The following AUH variants were observed in gnomAD, a reference collection of about 807,000 sequenced individuals.
AUH encodes AU RNA binding methylglutaconyl-CoA hydratase.
AUH carries 29 observed loss-of-function variants against 42.3 expected under a neutral mutation model. The observed-to-expected ratio is 0.69, with a 90% CI of 0.51 to 0.93. The LOEUF is 0.93. AUH is among the 40% of genes least tolerant of loss of function. The pLI is 0.00. For missense variants in AUH, 452 were observed against 438.1 expected (o/e 1.03, Z -0.28); for synonymous variants, 174 against 166.4 (o/e 1.05, Z -0.35).
chr9:91,325,064 T>C (rs555968232), intron 4 of AUH, among the ~76,000 whole-genome samples: 10 of 152,238 alleles, frequency 6.6e-5, no homozygotes, highest in Non-Finnish European at 1.3e-4. Flanking sequence ...AGTCAAAGGC[T>C]TATGGCAAAT....
At position 91,256,895 on chromosome 9, in the gene AUH, G is replaced by A. The variant is rs115565460; in HGVS notation, c.656-35903C>T. 3.0e-3 allele frequency among the ~76,000 whole-genome samples: 458 copies of A among 152,200 alleles called. 10 individuals carry two copies. Among genetic ancestry groups the A allele is most frequent in the African/African-American group, 0.011 (439 of 41,488 alleles). ...GAGACAGCCTATGAGGCAAAGACAT[G>A]AGTTACGATTATTCAGCGGACAAAA... On this transcript the variant is annotated intron_variant, in intron 6 of 9. Coordinates refer to ENST00000375731, the MANE Select transcript of AUH (RefSeq NM_001698.3).
intron 6 of AUH, among the ~76,000 whole-genome samples, chr9:91,255,049 T>G (rs1303990770): frequency 6.6e-6 from 1 of 152,140 alleles, no homozygotes; most frequent in Non-Finnish European, 1.5e-5. Flanking sequence ...TGGAATAAAG[T>G]GTAAGGTTAG....
At chr9:91,277,345 A>C (rs1825626249) in intron 6 of AUH, among the ~76,000 whole-genome samples, 2 of 152,186 alleles carry the variant, frequency 1.3e-5, no homozygotes, top group African/African-American at 4.8e-5. Context: ...TCAACAATGG[A>C]AAATCTATCT....
chr9:91,214,359 T>C lies in AUH; in HGVS notation c.1009A>G (p.Lys337Glu), dbSNP rs774644954. The C allele has an allele frequency of 1.2e-6, 2 of 1,609,044 alleles. No homozygotes were observed. Among genetic ancestry groups the C allele is most frequent in the Non-Finnish European group, 1.7e-6 (2 of 1,177,224 alleles). The change falls in exon 10 of 10, where the codon AAA (lysine) becomes GAA (glutamate). Residue 337 changes from lysine to glutamate, a missense_variant. By Grantham distance (56) the Lys-to-Glu change is moderately conservative. Coordinates refer to ENST00000375731, the MANE Select transcript of AUH (RefSeq NM_001698.3). ...AATTTCTGTTCCTTTTATTCTCCTT[T>C]ATAGCGAGGGGGCCTTTTCTCTTTA... ...AFKEKRPPRY[K>E]GE
Position 91,237,378 on chromosome 9 carries a change from T to C in AUH, c.656-16386A>G, listed in dbSNP as rs1828248257. Among the ~76,000 whole-genome samples the C allele has an allele frequency of 2.0e-5, 3 of 152,204 alleles. No individual in the cohort carries two copies. In the South Asian group the frequency reaches 6.2e-4, roughly 31 times the overall value. On this transcript the variant is annotated intron_variant, in intron 6 of 9. Coordinates refer to ENST00000375731, the MANE Select transcript of AUH (RefSeq NM_001698.3). ...TCAAGATCCTGGGAGTGAATGGCTT[T>C]GACTCACTGTCTGAAGCCACAGACA...
chr9:91,308,821 G>A (rs892903627), intron 4 of AUH, among the ~76,000 whole-genome samples: 5 of 144,316 alleles, frequency 3.5e-5, no homozygotes, highest in Non-Finnish European at 7.5e-5. Flanking sequence ...ACGCAGTTTC[G>A]CTATTGTTAC....
In AUH at chr9:91,325,365, T is replaced by C; in HGVS notation, c.458A>G (p.Glu153Gly). The C allele has an allele frequency of 6.2e-7, 1 of 1,613,898 alleles. No individual in the cohort carries two copies. The highest frequency in any genetic ancestry group is 8.5e-7 in the Non-Finnish European group (1 of 1,179,878). The stretch of plus-strand genomic sequence containing the variant: ...TATTTTGGAGACAAAAGGACCAACT[T>C]CACTGGAACTCATTTTGGCTCTTTC... ...LKERAKMSSS[E>G]VGPFVSKIRA... Residue 153 changes from glutamate (E) to glycine (G), a missense_variant, in exon 4 of 10, where the codon GAA becomes GGA. By Grantham distance (98) the Glu-to-Gly change is moderately conservative. Transcript: ENST00000375731.
chr9:91,217,679 C>G (rs1294350183), intron 7 of AUH, among the ~76,000 whole-genome samples: 1 of 152,126 alleles, frequency 6.6e-6, no homozygotes. Context: ...CAGTACCACA[C>G]CAATTAGGGG....
chr9:91,357,351 G>T, intron 1 of AUH: 1 of 289,812 alleles, frequency 3.5e-6, no homozygotes, highest in Non-Finnish European at 5.1e-6. Flanking sequence ...ACTTCCTTCA[G>T]CTATTAAGTG....
intron 3 of AUH, among the ~76,000 whole-genome samples, chr9:91,334,217 T>C (rs1323794949): frequency 1.3e-5 from 2 of 152,222 alleles, no homozygotes; most frequent in Admixed American, 1.3e-4. Flanking sequence ...CTTGCTGTGA[T>C]GACTCACTTT....
At chr9:91,229,954 G>T (rs866231799) in intron 6 of AUH, among the ~76,000 whole-genome samples, 1 of 152,044 alleles carries the variant, frequency 6.6e-6, no homozygotes, top group Non-Finnish European at 1.5e-5. Flanking sequence ...TTCCCTTTGA[G>T]GGTAACCCGA....
chr9:91,315,393 C>A (rs1050266520), intron 4 of AUH, among the ~76,000 whole-genome samples: 1 of 152,166 alleles, frequency 6.6e-6, no homozygotes, highest in Non-Finnish European at 1.5e-5. Context: ...ACTCCTCCTG[C>A]AGCTTATTGA....
intron 9 of AUH, 139 bp downstream of exon 9, chr9:91,215,920 C>A (rs1340764972): frequency 1.2e-6 from 1 of 852,878 alleles, no homozygotes; most frequent in Non-Finnish European, 1.9e-6. Context: ...ATAGCAGAAA[C>A]AACTAATTTC....
intron 6 of AUH, among the ~76,000 whole-genome samples, chr9:91,234,093 T>C (rs944271232): frequency 6.6e-6 from 1 of 152,226 alleles, no homozygotes; most frequent in Non-Finnish European, 1.5e-5. Flanking sequence ...ATGTTTTGGC[T>C]GCTCAACATC....
chr9:91,313,235 A>G (rs186878658), intron 4 of AUH, among the ~76,000 whole-genome samples: 68 of 152,242 alleles, frequency 4.5e-4, no homozygotes, highest in Non-Finnish European at 7.6e-4. Context: ...AGGAGTGACT[A>G]TATCAATTTA....
chr9:91,349,713 AGAGAGG>A lies in AUH; in HGVS notation c.418+6164_418+6169del, dbSNP rs1157375428. Among the ~76,000 whole-genome samples, 13 of 152,224 alleles carry A rather than the reference AGAGAGG, an allele frequency of 8.5e-5. No homozygotes were observed. In the East Asian group the frequency reaches 1.5e-3, roughly 18 times the overall value. On this transcript the variant is annotated intron_variant, in intron 3 of 9. Transcript: ENST00000375731. ...ACACACACACACACACAGAGAGAAGAGAGAGGGAGAGGGAGAGAGAGAGAAGGTAAA... is the reference window on the plus strand; with the variant it reads ...ACACACACACACACACAGAGAGAAGAGAGAGGGAGAGAGAGAGAAGGTAAA...
At chr9:91,249,307 A>AG (rs1564029037) in intron 6 of AUH, among the ~76,000 whole-genome samples, 1 of 149,670 alleles carries the variant, frequency 6.7e-6, no homozygotes, top group Non-Finnish European at 1.5e-5. Flanking sequence ...AAAAAAAAAA[A>AG]AAAAAAAAAA....
chr9:91,333,615 A>G (rs1830491645), intron 3 of AUH, among the ~76,000 whole-genome samples: 1 of 152,234 alleles, frequency 6.6e-6, no homozygotes, highest in East Asian at 1.9e-4. Flanking sequence ...ATTTACTGCT[A>G]GAGTGAGGCA....
At chr9:91,265,671 T>C (rs1035587662) in intron 6 of AUH, among the ~76,000 whole-genome samples, 13 of 152,336 alleles carry the variant, frequency 8.5e-5, no homozygotes, top group Non-Finnish European at 1.8e-4. Context: ...TATCGAGCAG[T>C]AGACTCCACA....
Sources: allele counts gnomAD v4.1 joint callset (sites outside exome capture counted in the v4.1 genomes callset), GRCh38; gene constraint gnomAD v4.1.1; transcripts MANE v1.5; gene names NCBI Gene and HGNC (gene_info 2026-07-23, HGNC 2026-07-21).